The following NDRG3 variants were observed in gnomAD, a reference collection of about 807,000 sequenced individuals.
The protein encoded by NDRG3 is protein NDRG3.
NDRG3 carries 23 observed loss-of-function variants against 57.2 expected under a neutral mutation model. The observed-to-expected ratio is 0.40, with a 90% CI of 0.29 to 0.57. The LOEUF (loss-of-function observed/expected upper bound fraction) is 0.57, where lower values mean the gene tolerates loss of function less well. NDRG3 is among the 20% of genes least tolerant of loss of function. The pLI is 0.42. For missense variants in NDRG3, 384 were observed against 457.3 expected (o/e 0.84, Z 1.46); for synonymous variants, 132 against 162.6 (o/e 0.81, Z 1.43).
chr20:36,687,721 T>A (rs566164168), intron 4 of NDRG3, 109 bp from the exon 5 acceptor site: 28 of 1,305,346 alleles, frequency 2.1e-5, no homozygotes, highest in Non-Finnish European at 2.9e-5. Flanking sequence ...TTAACCACCA[T>A]TCCACCAAAG....
chr20:36,685,143 T>A (rs1237770583), intron 5 of NDRG3, among the ~76,000 whole-genome samples: 1 of 151,918 alleles, frequency 6.6e-6, no homozygotes, highest in African/African-American at 2.4e-5. Flanking sequence ...AAGAGTCAAC[T>A]CAGAAAGGGG....
At chr20:36,724,143 C>T (rs1984777158) in intron 1 of NDRG3, among the ~76,000 whole-genome samples, 1 of 152,146 alleles carries the variant, frequency 6.6e-6, no homozygotes, top group African/African-American at 2.4e-5. Context: ...TGAAATAAAT[C>T]CTGCTCCCAG....
intron 9 of NDRG3, chr20:36,668,542 T>C (rs1475170052): frequency 6.6e-6 from 1 of 152,184 alleles, no homozygotes; most frequent in East Asian, 1.9e-4. Context: ...AAAATTTATT[T>C]TTAATTTTTA....
chr20:36,662,615 T>G (rs1472487192), intron 12 of NDRG3, among the ~76,000 whole-genome samples: 1 of 152,202 alleles, frequency 6.6e-6, no homozygotes, highest in Non-Finnish European at 1.5e-5. Flanking sequence ...GTTGAATGAA[T>G]AAGTAAGCAA....
intron 2 of NDRG3, among the ~76,000 whole-genome samples, chr20:36,721,429 T>C (rs1984583804): frequency 6.6e-6 from 1 of 151,620 alleles, no homozygotes; most frequent in African/African-American, 2.4e-5. Context: ...CTTGGGAGGC[T>C]GAGGCAAGAG....
intron 1 of NDRG3, among the ~76,000 whole-genome samples, chr20:36,724,981 C>G (rs939291959): frequency 1.3e-5 from 2 of 151,436 alleles, no homozygotes; most frequent in Non-Finnish European, 2.9e-5. Context: ...TTTATAAAAG[C>G]AATATGTGCT....
intron 13 of NDRG3, among the ~76,000 whole-genome samples, chr20:36,660,040 CT>C (rs925018919): frequency 1.3e-5 from 2 of 151,826 alleles, no homozygotes; most frequent in Non-Finnish European, 2.9e-5. Context: ...AACCCCGTCT[CT>C]ACTAAAAATA....
At chr20:36,715,705 T>A (rs1984234736) in intron 2 of NDRG3, among the ~76,000 whole-genome samples, 1 of 151,748 alleles carries the variant, frequency 6.6e-6, no homozygotes, top group Non-Finnish European at 1.5e-5. Context: ...TGGTCCCAAC[T>A]ACTTGGGAGG....
intron 8 of NDRG3, among the ~76,000 whole-genome samples, chr20:36,674,382 T>C (rs916883465): frequency 1.3e-5 from 2 of 151,642 alleles, no homozygotes; most frequent in African/African-American, 4.8e-5. Flanking sequence ...TTTGTATTTT[T>C]AGTAGAGACA....
chr20:36,723,659 AGTGTGTGTGTGT>A (rs36022065), intron 1 of NDRG3, among the ~76,000 whole-genome samples: 37 of 132,940 alleles, frequency 2.8e-4, no homozygotes, highest in South Asian at 2.3e-3. Flanking sequence ...ATATTAGTCT[AGTGTGTGTGTGT>A]GTGTGTGTGT....
chr20:36,656,507 T>G lies in NDRG3; in HGVS notation c.884A>C (p.Gln295Pro). The change falls in exon 14 of 16, where the codon CAG (glutamine) becomes CCG (proline). Residue 295 changes from glutamine to proline, a missense_variant. Transcript: ENST00000349004. ...AAAAATTCTCCTTACCTGAACTACC[T>G]GGGGCAGTCCCCCACAGTCCGCCAT... ...LKMADCGGLP[Q>P]VVQPGKLTEA... The G allele has an allele frequency of 1.2e-6, 2 of 1,614,142 alleles. No homozygotes were observed. Among genetic ancestry groups the G allele is most frequent in the Non-Finnish European group, 1.7e-6 (2 of 1,179,978 alleles).
intron 1 of NDRG3, among the ~76,000 whole-genome samples, chr20:36,732,323 G>A (rs1985335215): frequency 6.6e-6 from 1 of 152,168 alleles, no homozygotes; most frequent in Admixed American, 6.6e-5. Context: ...AAGTGGTGGT[G>A]AGACCACTAG....
At position 36,733,713 on chromosome 20, in the gene NDRG3, A is replaced by T. The variant is rs965119119; in HGVS notation, c.-48-11930T>A. Among the ~76,000 whole-genome samples, 72 of 151,918 alleles carry T rather than the reference A, an allele frequency of 4.7e-4. 1 individual carries two copies. Among genetic ancestry groups the T allele is most frequent in the Admixed American group, 1.6e-3 (25 of 15,252 alleles). ...CTCCATCTCAAAAAAAAAATAAAAA[A>T]AAATAAAAAACACACAGAATGACGG... On this transcript the variant is annotated intron_variant, in intron 1 of 15. Transcript: ENST00000349004.
chr20:36,739,902 T>G (rs1985836711), intron 1 of NDRG3, among the ~76,000 whole-genome samples: 1 of 107,862 alleles, frequency 9.3e-6, no homozygotes, highest in East Asian at 2.8e-4. Context: ...AGAGCGAGAC[T>G]CCGTCTCAAA....
intron 3 of NDRG3, among the ~76,000 whole-genome samples, chr20:36,700,229 C>T (rs933803186): frequency 6.7e-6 from 1 of 150,354 alleles, no homozygotes; most frequent in Non-Finnish European, 1.5e-5. Context: ...AAAATTTCAA[C>T]TTTTTAGGGA....
At chr20:36,666,501 G>A (rs1035953586) in intron 9 of NDRG3, 109 bp from the exon 10 acceptor site, 1 of 757,250 alleles carries the variant, frequency 1.3e-6, no homozygotes, top group East Asian at 2.6e-5. Context: ...GCTCATGATG[G>A]GAACTGGGGC....
At chr20:36,666,224 T>C (rs1979620903) in intron 10 of NDRG3, 65 bp downstream of exon 10, 1 of 1,245,668 alleles carries the variant, frequency 8.0e-7, no homozygotes, top group African/African-American at 1.5e-5. Flanking sequence ...TCCTCTCTCC[T>C]TCTCCCACCC....
chr20:36,679,563 G>A (rs1207711747), intron 8 of NDRG3, among the ~76,000 whole-genome samples: 1 of 151,638 alleles, frequency 6.6e-6, no homozygotes, highest in African/African-American at 2.4e-5. Context: ...GAGCGCAATG[G>A]TGTGATCTCA....
intron 3 of NDRG3, among the ~76,000 whole-genome samples, chr20:36,699,160 C>A (rs936967720): frequency 2.0e-5 from 3 of 152,086 alleles, no homozygotes; most frequent in Non-Finnish European, 4.4e-5. Context: ...TTTGCCCAGG[C>A]TGGTCTTGAA....
Sources: allele counts gnomAD v4.1 joint callset (sites outside exome capture counted in the v4.1 genomes callset), GRCh38; gene constraint gnomAD v4.1.1; transcripts MANE v1.5; gene names NCBI Gene and HGNC (gene_info 2026-07-23, HGNC 2026-07-21).